The following PDK1 variants were observed in gnomAD, a reference collection of about 807,000 sequenced individuals.
The protein encoded by PDK1 is [Pyruvate dehydrogenase (acetyl-transferring)] kinase isozyme 1, mitochondrial.
A neutral mutation model predicts 54.2 loss-of-function variants in PDK1; 39 were observed. The ratio of observed to expected loss-of-function variants is 0.72; its 90% CI spans 0.56 to 0.94. The LOEUF (loss-of-function observed/expected upper bound fraction) is 0.94. Among genes scored for constraint, PDK1 ranks in the 40% least tolerant of loss-of-function variants. The pLI is 0.00. For missense variants in PDK1, 552 were observed against 566.0 expected (o/e 0.98, Z 0.25); for synonymous variants, 221 against 207.1 (o/e 1.07, Z -0.58).
the PDK1 span, among the ~76,000 whole-genome samples, chr2:172,633,319 A>G: frequency 6.7e-6 from 1 of 149,792 alleles, no homozygotes; most frequent in Non-Finnish European, 1.5e-5. Context: ...AAGCACTGGG[A>G]TTACAAGTGT....
At chr2:172,658,829 T>C in the PDK1 span, among the ~76,000 whole-genome samples, 151,489 of 152,298 alleles carry the variant, frequency 0.99, 75,353 homozygotes, top group Non-Finnish European at 1. Context: ...TGAGGTCAGA[T>C]TGGTTCTCTG....
At chr2:172,675,145 C>G in the PDK1 span, among the ~76,000 whole-genome samples, 10 of 152,194 alleles carry the variant, frequency 6.6e-5, no homozygotes, top group Admixed American at 6.5e-4. Flanking sequence ...CTGGCTGCTT[C>G]TTGTCTTCTC....
chr2:172,584,353 T>C (rs901849998), intron 8 of PDK1, among the ~76,000 whole-genome samples: 6 of 151,820 alleles, frequency 4.0e-5, no homozygotes, highest in Non-Finnish European at 7.4e-5. Context: ...CAGAGTATTA[T>C]AAATGCTTCT....
rs189017448 is a variant in PDK1 at position 172,586,145 on chromosome 2, C to T, written c.946-133C>T. On this transcript the variant is annotated intron_variant, in intron 8 of 10. Transcript: ENST00000282077. Reference sequence around the variant, plus strand: ...CTGCACTCCAGCCTGGGCGACAAAGCGAGACTCTGTCTCAAAAAAAAAAAA... The same window carrying T: ...CTGCACTCCAGCCTGGGCGACAAAGTGAGACTCTGTCTCAAAAAAAAAAAA... 62 of 495,942 alleles carry T rather than the reference C, an allele frequency of 1.3e-4. 1 individual carries two copies. Among genetic ancestry groups the T allele is most frequent in the African/African-American group, 8.7e-4 (41 of 47,132 alleles). 30.7% of individuals were successfully genotyped at this position (495,942 alleles called of 1,614,324 possible).
At chr2:172,622,876 A>G in the PDK1 span, among the ~76,000 whole-genome samples, 1 of 148,000 alleles carries the variant, frequency 6.8e-6, no homozygotes, top group Admixed American at 6.8e-5. Flanking sequence ...AATATGATAT[A>G]TGTTTACATA....
chr2:172,588,681 A>G lies in PDK1; in HGVS notation c.1056+2293A>G, dbSNP rs144719354. On this transcript the variant is annotated intron_variant, in intron 9 of 10. Transcript: ENST00000282077. ...CATCGCTTTGTAGATGGTCCCAGTC[A>G]GCAGGCAGTAGGGTAGCTGGAGAAA... Among the ~76,000 whole-genome samples the G allele has an allele frequency of 1.9e-3, 289 of 152,326 alleles. 3 individuals are homozygous for G. The highest frequency in any genetic ancestry group is 6.8e-3 in the African/African-American group (282 of 41,586).
chr2:172,649,668 G>A, the PDK1 span, among the ~76,000 whole-genome samples: 1 of 152,126 alleles, frequency 6.6e-6, no homozygotes, highest in Non-Finnish European at 1.5e-5. Context: ...TGGAAACCAT[G>A]GCATGAGAAC....
At chr2:172,615,418 G>A in the PDK1 span, among the ~76,000 whole-genome samples, 1 of 152,202 alleles carries the variant, frequency 6.6e-6, no homozygotes, top group Admixed American at 6.5e-5. Context: ...GAGGTCAGGA[G>A]TTCAAGACCA....
rs1323594852 is a variant in PDK1 at position 172,601,355 on chromosome 2, A to T, written c.*5386A>T. On this transcript the variant is annotated 3_prime_UTR_variant, in exon 11 of 11. Coordinates refer to ENST00000282077, the MANE Select transcript of PDK1 (RefSeq NM_002610.5). ...GAAGTAAACAAGCAAACATACTGAT[A>T]ATGGTTAGGCTTTCTGTCCCCACCG... 1 of 152,202 alleles carries T rather than the reference A, an allele frequency of 6.6e-6. No individual in the cohort carries two copies. Among genetic ancestry groups the T allele is most frequent in the Non-Finnish European group, 1.5e-5 (1 of 68,040 alleles). The allele number at this position is 152,202 out of a possible 1,614,324, so 9.4% of individuals were successfully genotyped here.
intron 8 of PDK1, among the ~76,000 whole-genome samples, chr2:172,577,416 A>G (rs1419525467): frequency 1.3e-5 from 2 of 152,096 alleles, no homozygotes; most frequent in African/African-American, 4.8e-5. Flanking sequence ...GAATGTTCAG[A>G]TCAATTAAAT....
At chr2:172,568,327 CAAAA>C (rs11400625) in intron 6 of PDK1, among the ~76,000 whole-genome samples, 8 of 57,114 alleles carry the variant, frequency 1.4e-4, no homozygotes, top group East Asian at 5.1e-4. Context: ...GACTCCGTCT[CAAAA>C]AAAAAAAAAA....
chr2:172,556,028 T>C, upstream of PDK1: 1 of 662,698 alleles, frequency 1.5e-6, no homozygotes, highest in Admixed American at 4.4e-5. Context: ...GCTAGGAGGG[T>C]GGGGGCCGCG....
chr2:172,642,063 T>C, the PDK1 span, among the ~76,000 whole-genome samples: 5 of 152,278 alleles, frequency 3.3e-5, no homozygotes, highest in East Asian at 1.9e-4. Flanking sequence ...GTTTGAGTGG[T>C]TTAGGCCAAT....
rs1691279451 is a variant in PDK1 at position 172,606,003 on chromosome 2, C to T, written c.*10034C>T. On this transcript the variant is annotated 3_prime_UTR_variant, in exon 11 of 11. Transcript: ENST00000282077. Reference sequence around the variant, plus strand: ...AGATTTTATACATACTTTGCGTGACCATAAAACTCTGTACTATTATAGACA... The same window carrying T: ...AGATTTTATACATACTTTGCGTGACTATAAAACTCTGTACTATTATAGACA... 1.3e-5 allele frequency: 2 copies of T among 152,090 alleles called. No homozygotes were observed. The highest frequency in any genetic ancestry group is 1.3e-4 in the Admixed American group (2 of 15,266). The allele number at this position is 152,090 out of a possible 1,614,324, so 9.4% of individuals were successfully genotyped here.
chr2:172,659,958 G>T, the PDK1 span, among the ~76,000 whole-genome samples: 2 of 152,158 alleles, frequency 1.3e-5, no homozygotes, highest in East Asian at 1.9e-4. Flanking sequence ...TGAATCTAAT[G>T]ATCTAAGTTG....
At chr2:172,629,588 A>G in the PDK1 span, among the ~76,000 whole-genome samples, 2,597 of 152,196 alleles carry the variant, frequency 0.017, 73 homozygotes, top group African/African-American at 0.059. Context: ...AAAATCCTCC[A>G]CACTCACCAC....
chr2:172,604,025 C>A lies in PDK1; in HGVS notation c.*8056C>A, dbSNP rs977738531. Reference sequence around the variant, plus strand: ...GATTGTGATGTGTTAAATTTCTAGACCAATTTGAGGAGAATTTAACAATAG... The same window carrying A: ...GATTGTGATGTGTTAAATTTCTAGAACAATTTGAGGAGAATTTAACAATAG... On this transcript the variant is annotated 3_prime_UTR_variant, in exon 11 of 11. Transcript: ENST00000282077. 6.6e-6 allele frequency: 1 copy of A among 152,148 alleles called. No individual in the cohort carries two copies. Among genetic ancestry groups the A allele is most frequent in the Non-Finnish European group, 1.5e-5 (1 of 68,026 alleles). The allele number at this position is 152,148 out of a possible 1,614,324, so 9.4% of individuals were successfully genotyped here.
At position 172,598,611 on chromosome 2, in the gene PDK1, A is replaced by G. The variant is rs1301860129; in HGVS notation, c.*2642A>G. On this transcript the variant is annotated 3_prime_UTR_variant, in exon 11 of 11. Transcript: ENST00000282077. ...GTGCCAACATTTTCTAGGAAGGGAC[A>G]GCAAGAATATTCTGCTCTGTAGTTA... The G allele has an allele frequency of 2.0e-5, 3 of 152,244 alleles. No homozygotes were observed. The highest frequency in any genetic ancestry group is 3.8e-4 in the East Asian group (2 of 5,200). The allele number at this position is 152,244 out of a possible 1,614,324, so 9.4% of individuals were successfully genotyped here.
At chr2:172,588,952 C>T (rs951244690) in intron 9 of PDK1, among the ~76,000 whole-genome samples, 1 of 152,212 alleles carries the variant, frequency 6.6e-6, no homozygotes, top group East Asian at 1.9e-4. Context: ...GGTTTACTTT[C>T]ACTGCTGTCT....
Sources: allele counts gnomAD v4.1 joint callset (sites outside exome capture counted in the v4.1 genomes callset), GRCh38; gene constraint gnomAD v4.1.1; transcripts MANE v1.5; gene names NCBI Gene and HGNC (gene_info 2026-07-23, HGNC 2026-07-21).